The following DNER variants were observed in gnomAD, a reference collection of about 807,000 sequenced individuals.
The protein encoded by DNER is delta and Notch-like epidermal growth factor-related receptor.
A neutral mutation model predicts 78.2 loss-of-function variants in DNER; 33 were observed. That is an observed-to-expected ratio of 0.42 (90% CI 0.32 to 0.56). DNER has a LOEUF of 0.56. Ranked by LOEUF, DNER falls within the 20% of genes least tolerant of loss-of-function variation. DNER has a pLI of 0.11. For synonymous variants in DNER, 417 were observed against 384.8 expected (o/e 1.08, Z -0.98); for missense variants, 918 against 975.3 (o/e 0.94, Z 0.78).
At chr2:229,598,369 T>C (rs1247240103) in intron 1 of DNER, among the ~76,000 whole-genome samples, 2 of 152,234 alleles carry the variant, frequency 1.3e-5, no homozygotes, top group Non-Finnish European at 2.9e-5. Flanking sequence ...ATGCCTATAA[T>C]AGGGGTCAGG....
At chr2:229,559,758 A>T (rs1394911700) in intron 4 of DNER, among the ~76,000 whole-genome samples, 1 of 152,228 alleles carries the variant, frequency 6.6e-6, no homozygotes, top group Non-Finnish European at 1.5e-5. Flanking sequence ...AACTTTCTCC[A>T]AAGATTATCC....
intron 1 of DNER, among the ~76,000 whole-genome samples, chr2:229,593,676 T>C (rs1172731946): frequency 6.6e-6 from 1 of 152,260 alleles, no homozygotes; most frequent in African/African-American, 2.4e-5. Flanking sequence ...TGTGAACTTG[T>C]TGAGTCACAA....
chr2:229,624,613 G>A lies in DNER; in HGVS notation c.277-32725C>T, dbSNP rs184443467. Among the ~76,000 whole-genome samples, 319 of 152,318 alleles carry A rather than the reference G, an allele frequency of 2.1e-3. 1 individual carries two copies. The highest frequency in any genetic ancestry group is 3.6e-3 in the Non-Finnish European group (246 of 68,032). On this transcript the variant is annotated intron_variant, in intron 1 of 12. Transcript: ENST00000341772. Reference sequence around the variant, plus strand: ...ATTAACAGGGCATAAAATAGTTCCTGTCTTAAATAGTACTTAAATAGTAGC... The same window carrying A: ...ATTAACAGGGCATAAAATAGTTCCTATCTTAAATAGTACTTAAATAGTAGC...
chr2:229,665,743 A>G (rs913117306), intron 1 of DNER, among the ~76,000 whole-genome samples: 3 of 152,194 alleles, frequency 2.0e-5, no homozygotes, highest in Admixed American at 6.5e-5. Flanking sequence ...TTCCAACACC[A>G]TGAACACTTG....
chr2:229,469,085 C>T (rs1490505886), intron 7 of DNER, among the ~76,000 whole-genome samples: 7 of 152,172 alleles, frequency 4.6e-5, no homozygotes, highest in Non-Finnish European at 1.0e-4. Context: ...ATGTTATTGT[C>T]AGGACAGTTT....
At chr2:229,557,747 A>G (rs79880032) in intron 4 of DNER, among the ~76,000 whole-genome samples, 3 of 152,222 alleles carry the variant, frequency 2.0e-5, no homozygotes, top group Non-Finnish European at 4.4e-5. Context: ...AAAAAAAAAA[A>G]GGAAATTAAT....
intron 1 of DNER, among the ~76,000 whole-genome samples, chr2:229,669,546 C>G (rs1699172310): frequency 6.6e-6 from 1 of 152,114 alleles, no homozygotes; most frequent in Non-Finnish European, 1.5e-5. Context: ...TAACCATGAG[C>G]ATGGAATGTT....
In DNER at chr2:229,685,790, G is replaced by A. The variant is rs577153639; in HGVS notation, c.276+28358C>T. ...AACAACTGGGAACATACTAGACAAA[G>A]TGCCTGTCACGGTGTGGACAGATAG... is the stretch of plus-strand genomic sequence containing the variant. On this transcript the variant is annotated intron_variant, in intron 1 of 12. Coordinates refer to ENST00000341772, the MANE Select transcript of DNER (RefSeq NM_139072.4). 1.3e-3 allele frequency among the ~76,000 whole-genome samples: 204 copies of A among 152,310 alleles called. 8 individuals are homozygous for A. In the South Asian group the frequency reaches 0.041, roughly 31 times the overall value.
chr2:229,628,754 G>T (rs565295443), intron 1 of DNER, among the ~76,000 whole-genome samples: 2 of 152,092 alleles, frequency 1.3e-5, no homozygotes, highest in Admixed American at 6.5e-5. Flanking sequence ...CTAAATGTAA[G>T]TCAACAGCTC....
At chr2:229,710,976 T>TACACACAC (rs1372271401) in intron 1 of DNER, among the ~76,000 whole-genome samples, 10 of 90,294 alleles carry the variant, frequency 1.1e-4, no homozygotes, top group African/African-American at 5.2e-4. Flanking sequence ...ATGGCATGCA[T>TACACACAC]ACACGCGCAC....
At chr2:229,422,424 T>G (rs1693786713) in intron 8 of DNER, among the ~76,000 whole-genome samples, 1 of 152,188 alleles carries the variant, frequency 6.6e-6, no homozygotes, top group African/African-American at 2.4e-5. Flanking sequence ...CTTTGCATGA[T>G]TTGCTCCCGA....
chr2:229,389,969 G>A (rs1692980506), intron 10 of DNER, among the ~76,000 whole-genome samples: 1 of 152,104 alleles, frequency 6.6e-6, no homozygotes, highest in South Asian at 2.1e-4. Flanking sequence ...TCCATTAATG[G>A]GGCAATCACT....
intron 1 of DNER, among the ~76,000 whole-genome samples, chr2:229,706,691 AC>A (rs1210364475): frequency 6.6e-6 from 1 of 152,136 alleles, no homozygotes; most frequent in African/African-American, 2.4e-5. Flanking sequence ...GCTCAAAACA[AC>A]CTTATCCTTG....
rs80185440 is a variant in DNER at position 229,682,058 on chromosome 2, T to C, written c.276+32090A>G. On this transcript the variant is annotated intron_variant, in intron 1 of 12. Coordinates refer to ENST00000341772, the MANE Select transcript of DNER (RefSeq NM_139072.4). Reference sequence around the variant, plus strand: ...CATTTGAAATGTAAGCAAGAGGGCATATGGGGAGATGGCACCCAAGAAGGC... The same window carrying C: ...CATTTGAAATGTAAGCAAGAGGGCACATGGGGAGATGGCACCCAAGAAGGC... 1.9e-3 allele frequency among the ~76,000 whole-genome samples: 296 copies of C among 152,282 alleles called. 2 individuals are homozygous for C. The highest frequency in any genetic ancestry group is 6.9e-3 in the African/African-American group (286 of 41,560).
At chr2:229,696,757 C>G (rs1022238288) in intron 1 of DNER, among the ~76,000 whole-genome samples, 3 of 152,070 alleles carry the variant, frequency 2.0e-5, no homozygotes, top group Admixed American at 2.0e-4. Flanking sequence ...AGCAGAGTGT[C>G]CTGGGGAGCT....
intron 1 of DNER, among the ~76,000 whole-genome samples, chr2:229,645,660 T>G (rs943399274): frequency 2.0e-5 from 3 of 152,216 alleles, no homozygotes; most frequent in Non-Finnish European, 4.4e-5. Flanking sequence ...AGGAACATGG[T>G]CACCCTGTAT....
intron 1 of DNER, among the ~76,000 whole-genome samples, chr2:229,624,990 G>A (rs1422601479): frequency 6.6e-6 from 1 of 152,144 alleles, no homozygotes; most frequent in Non-Finnish European, 1.5e-5. Context: ...CTACATGAGG[G>A]TGAGGAATTC....
At chr2:229,372,583 T>A (rs530771624) in intron 11 of DNER, among the ~76,000 whole-genome samples, 2 of 152,150 alleles carry the variant, frequency 1.3e-5, no homozygotes, top group East Asian at 3.9e-4. Context: ...TGGCCTTGGG[T>A]CTTTAGTAAC....
chr2:229,516,690 G>A (rs1695978469), intron 5 of DNER, among the ~76,000 whole-genome samples: 1 of 151,198 alleles, frequency 6.6e-6, no homozygotes, highest in African/African-American at 2.4e-5. Flanking sequence ...GAAGCTGAGG[G>A]AAGACGACTG....
Sources: allele counts gnomAD v4.1 joint callset (sites outside exome capture counted in the v4.1 genomes callset), GRCh38; gene constraint gnomAD v4.1.1; transcripts MANE v1.5; gene names NCBI Gene and HGNC (gene_info 2026-07-23, HGNC 2026-07-21).